TRIM33: variants seen among roughly 807,000 people sequenced by gnomAD.
The protein encoded by TRIM33 is E3 ubiquitin-protein ligase TRIM33.
TRIM33 carries 20 observed loss-of-function variants against 125.4 expected under a neutral mutation model. The ratio of observed to expected loss-of-function variants is 0.16; its 90% CI spans 0.11 to 0.23. TRIM33 has a LOEUF of 0.23. Among genes scored for constraint, TRIM33 ranks in the 10% least tolerant of loss-of-function variants. TRIM33 has a pLI of 1.00. For missense variants in TRIM33, 920 were observed against 1,411.4 expected (o/e 0.65, Z 5.58); for synonymous variants, 564 against 513.9 (o/e 1.10, Z -1.32).
chr1:114,473,041 G>C (rs1650745317), intron 1 of TRIM33, among the ~76,000 whole-genome samples: 1 of 151,900 alleles, frequency 6.6e-6, no homozygotes, highest in Admixed American at 6.6e-5. Context: ...CAAATCATGA[G>C]GTCAAGAGAT....
chr1:114,414,064 C>A (rs1335513780), intron 11 of TRIM33, among the ~76,000 whole-genome samples: 1 of 149,970 alleles, frequency 6.7e-6, no homozygotes, highest in Non-Finnish European at 1.5e-5. Flanking sequence ...CACACACACA[C>A]ACACACGTTT....
intron 16 of TRIM33, among the ~76,000 whole-genome samples, chr1:114,402,492 A>G (rs543966205): frequency 7.2e-5 from 11 of 152,122 alleles, no homozygotes; most frequent in African/African-American, 2.4e-4. Context: ...TTATGTCGTT[A>G]TTTGCTTGGT....
intron 4 of TRIM33, among the ~76,000 whole-genome samples, chr1:114,454,448 G>A (rs1347580059): frequency 6.6e-6 from 1 of 152,064 alleles, no homozygotes; most frequent in Non-Finnish European, 1.5e-5. Flanking sequence ...TACTTTGAGA[G>A]GTCCTGGAGG....
chr1:114,456,492 T>C (rs1649633197), intron 4 of TRIM33, among the ~76,000 whole-genome samples: 1 of 152,180 alleles, frequency 6.6e-6, no homozygotes, highest in Admixed American at 6.5e-5. Flanking sequence ...GCATCAGCAG[T>C]TCCTAATATG....
chr1:114,477,740 C>A (rs1251237571), intron 1 of TRIM33, among the ~76,000 whole-genome samples: 1 of 152,132 alleles, frequency 6.6e-6, no homozygotes, highest in African/African-American at 2.4e-5. Context: ...GTACTCAATA[C>A]AACACTGGCC....
At chr1:114,475,108 G>T (rs375648390) in intron 1 of TRIM33, among the ~76,000 whole-genome samples, 1 of 152,028 alleles carries the variant, frequency 6.6e-6, no homozygotes, top group East Asian at 1.9e-4. Context: ...AAACAGAAAT[G>T]AACATGAAGA....
At chr1:114,414,456 G>A (rs58720760) in intron 11 of TRIM33, among the ~76,000 whole-genome samples, 9,620 of 152,132 alleles carry the variant, frequency 0.063, 325 homozygotes, top group African/African-American at 0.086. Context: ...CTTCAAAAGT[G>A]CCCAGTTCCT....
At chr1:114,401,260 G>C (rs148234081) in intron 17 of TRIM33, 129 bp downstream of exon 17, 6 of 505,898 alleles carry the variant, frequency 1.2e-5, no homozygotes, top group Non-Finnish European at 1.7e-5. Flanking sequence ...TCCTGACCTC[G>C]TGATCCGCCT....
At chr1:114,459,698 G>A (rs1315743695) in intron 4 of TRIM33, among the ~76,000 whole-genome samples, 1 of 151,430 alleles carries the variant, frequency 6.6e-6, no homozygotes, top group Admixed American at 6.6e-5. Context: ...GAGCCCAAGA[G>A]CTTGAGTCCA....
chr1:114,478,224 G>A (rs1651092826), intron 1 of TRIM33, among the ~76,000 whole-genome samples: 1 of 152,194 alleles, frequency 6.6e-6, no homozygotes, highest in South Asian at 2.1e-4. Context: ...CTAAAGTCTG[G>A]TCTGAAAAAT....
intron 13 of TRIM33, among the ~76,000 whole-genome samples, chr1:114,407,559 C>T (rs1359406062): frequency 6.6e-6 from 1 of 151,992 alleles, no homozygotes; most frequent in Non-Finnish European, 1.5e-5. Context: ...AAAATGAACC[C>T]GAAATGCTGT....
At chr1:114,415,907 G>A (rs531565545) in intron 11 of TRIM33, among the ~76,000 whole-genome samples, 1 of 141,102 alleles carries the variant, frequency 7.1e-6, no homozygotes, top group East Asian at 2.0e-4. Flanking sequence ...AGCCAAGACT[G>A]CACCACTACA....
chr1:114,431,443 G>T (rs1005174907), intron 5 of TRIM33, among the ~76,000 whole-genome samples: 15 of 152,234 alleles, frequency 9.9e-5, no homozygotes, highest in Middle Eastern at 6.8e-3. Context: ...ACAGTAAAGG[G>T]CATAAAACAT....
intron 1 of TRIM33, among the ~76,000 whole-genome samples, chr1:114,475,862 G>T (rs1265652039): frequency 2.6e-5 from 4 of 152,014 alleles, no homozygotes; most frequent in African/African-American, 9.7e-5. Context: ...AACTAGCTCA[G>T]CGTGTAGGTG....
At chr1:114,441,633 G>A (rs1390960146) in intron 4 of TRIM33, among the ~76,000 whole-genome samples, 3 of 152,132 alleles carry the variant, frequency 2.0e-5, no homozygotes, top group African/African-American at 7.2e-5. Flanking sequence ...CTGCATTTTT[G>A]CAAAGGAAAA....
intron 2 of TRIM33, among the ~76,000 whole-genome samples, chr1:114,464,039 G>A (rs1404389867): frequency 2.6e-5 from 4 of 152,076 alleles, no homozygotes; most frequent in South Asian, 2.1e-4. Context: ...TAAGTGCTGC[G>A]ACAACAGGCG....
At chr1:114,438,825 G>A (rs755420249) in intron 4 of TRIM33, among the ~76,000 whole-genome samples, 37 of 152,132 alleles carry the variant, frequency 2.4e-4, no homozygotes, top group Non-Finnish European at 4.3e-4. Context: ...ATTCTTAGCA[G>A]TAATTTTAAA....
rs756413820 is a variant in TRIM33 at position 114,407,049 on chromosome 1, A to C, written c.2310T>G (p.Ser770=). 6.2e-7 allele frequency: 1 copy of C among 1,613,968 alleles called. No individual in the cohort carries two copies. The highest frequency in any genetic ancestry group is 1.1e-5 in the South Asian group (1 of 91,066). ...TAEKTSLSFK[S]DQVKVKQEPG... is the part of the protein sequence containing the mutation. ...GTTCTTGCTTGACCTTCACCTGATC[A>C]GATTTGAAACTAAGACTTGTCTTCT... Residue 770 remains serine (S), a synonymous_variant, in exon 14 of 20, where the codon TCT becomes TCG. Transcript: ENST00000358465.
chr1:114,475,647 A>G (rs887859604), intron 1 of TRIM33, among the ~76,000 whole-genome samples: 67 of 152,118 alleles, frequency 4.4e-4, no homozygotes, highest in African/African-American at 1.6e-3. Flanking sequence ...GCGCCACTGC[A>G]CTCCAGCCTG....
Sources: gnomAD v4.1 joint callset for allele counts (sites outside exome capture counted in the v4.1 genomes callset) on GRCh38, gnomAD v4.1.1 for gene constraint, MANE v1.5 for transcripts, NCBI Gene and HGNC (gene_info 2026-07-23, HGNC 2026-07-21) for gene names.